Variants in CCDC187 observed in about 807,000 individuals in gnomAD.
CCDC187 encodes the protein coiled-coil domain containing 187, also known as coiled-coil domain-containing protein 187.
Under a neutral mutation model 38.0 loss-of-function variants are expected in CCDC187, and 32 were observed. The observed-to-expected ratio is 0.84, with a 90% CI of 0.64 to 1.13. The LOEUF is 1.13. CCDC187 is among the 50% of genes most tolerant of loss of function. CCDC187 has a pLI of 0.00. For missense variants in CCDC187, 707 were observed against 786.8 expected, an observed-to-expected ratio of 0.90 and a Z score of 1.21; for synonymous variants, 333 against 347.9, an observed-to-expected ratio of 0.96 and a Z score of 0.48.
intron 4 of CCDC187, among the ~76,000 whole-genome samples, chr9:136,294,091 C>A: frequency 6.7e-6 from 1 of 148,728 alleles, no homozygotes; most frequent in South Asian, 2.2e-4. Flanking sequence ...CATATACACA[C>A]GCCCTCAAGT....
intron 4 of CCDC187, among the ~76,000 whole-genome samples, chr9:136,294,170 A>G (rs1046032025): frequency 3.1e-4 from 46 of 150,260 alleles, no homozygotes; most frequent in African/African-American, 1.1e-3. Context: ...ATTCACTCAC[A>G]CGCTCATATA....
In CCDC187 at chr9:136,280,715, C is replaced by T. The variant is rs1487189843; in HGVS notation, c.3040+836G>A. Among the ~76,000 whole-genome samples the T allele has an allele frequency of 1.3e-4, 20 of 152,256 alleles. 1 individual carries two copies. In the South Asian group the frequency reaches 4.1e-3, roughly 32 times the overall value. On this transcript the variant is annotated intron_variant, in intron 10 of 25. Coordinates refer to ENST00000638797, the MANE Select transcript of CCDC187 (RefSeq NM_001378188.1). Reference sequence around the variant, plus strand: ...CTTTGAACCCAGACCAGGACTGGAACCCTTCTCCTCCCCCTGGCACTGGCC... The same window carrying T: ...CTTTGAACCCAGACCAGGACTGGAATCCTTCTCCTCCCCCTGGCACTGGCC...
intron 9 of CCDC187, among the ~76,000 whole-genome samples, chr9:136,282,121 A>G (rs1349648178): frequency 6.6e-6 from 1 of 152,174 alleles, no homozygotes; most frequent in African/African-American, 2.4e-5. Context: ...CATCTCTACC[A>G]TCTACTAAGG....
rs1314461089 is a variant in CCDC187 at position 136,260,219 on chromosome 9, G to A, written c.4110C>T (p.Ser1370=). The A allele has an allele frequency of 9.1e-6, 9 of 985,258 alleles. No individual in the cohort carries two copies. The highest frequency in any genetic ancestry group is 5.2e-4 in the Middle Eastern group (1 of 1,938). 61.0% of individuals were successfully genotyped at this position (985,258 alleles called of 1,614,324 possible). Residue 1370 remains serine (S), a synonymous_variant, in exon 20 of 26, where the codon TCC becomes TCT. Coordinates refer to ENST00000638797, the MANE Select transcript of CCDC187 (RefSeq NM_001378188.1). ...GAGGCTGCTGGTGACCATCTGCATC[G>A]GAGGTTGTCTGGGGTGGCGTCACAT... is the stretch of plus-strand genomic sequence containing the variant. ...QQDVTPPQTT[S]DADGHQQPPR...
Position 136,254,071 on chromosome 9 carries a change from G to C in CCDC187, c.5757C>G (p.Asp1919Glu). ...SGYQEGTRDA[D>E]PSPSTKSKLP... ...GTTTGCTCTTGGTGGATGGGCTCGG[G>C]TCAGCATCCCGGGTTCCCTCCTGGT... is the stretch of plus-strand genomic sequence containing the variant. The change falls in exon 26 of 26, where the codon GAC (aspartate) becomes GAG (glutamate). Residue 1919 changes from aspartate (D) to glutamate (E), a missense_variant. Asp to Glu is a conservative substitution (Grantham distance 45). Transcript: ENST00000638797. 3 of 985,450 alleles carry C rather than the reference G, an allele frequency of 3.0e-6. No homozygotes were observed. Among genetic ancestry groups the C allele is most frequent in the Non-Finnish European group, 3.6e-6 (3 of 829,952 alleles). 61.0% of individuals were successfully genotyped at this position (985,450 alleles called of 1,614,324 possible).
intron 19 of CCDC187, 146 bp downstream of exon 19, chr9:136,262,165 C>T: frequency 1.4e-6 from 1 of 715,272 alleles, no homozygotes; most frequent in Non-Finnish European, 1.7e-6. Context: ...CCCCAGCCAC[C>T]CTGGGAGGGG....
In CCDC187 at chr9:136,254,955, A is replaced by T; in HGVS notation, c.4873T>A (p.Ser1625Thr). Residue 1625 changes from serine (S) to threonine (T), a missense_variant, in exon 26 of 26, where the codon TCC (serine) becomes ACC (threonine). Transcript: ENST00000638797. ...TSPAGSVSSL[S>T]CPSLWEFQKA... ...TGGAACTCCCAGAGAGAGGGACAGG[A>T]CAGGCTGCTCACAGAGCCTGCTGGG... 8.1e-6 allele frequency: 8 copies of T among 985,504 alleles called. No homozygotes were observed. The highest frequency in any genetic ancestry group is 9.6e-6 in the Non-Finnish European group (8 of 829,958). The allele number at this position is 985,504 out of a possible 1,614,324, so 61.0% of individuals were successfully genotyped here. A position where few individuals can be genotyped will look rare whatever the true frequency, so the allele number is the denominator to read the frequency against.
rs1290305719 is a variant in CCDC187, at chr9:136,251,987, C to T, written c.*1607G>A. 1 of 107,142 alleles carries T rather than the reference C, an allele frequency of 9.3e-6. No individual in the cohort carries two copies. The highest frequency in any genetic ancestry group is 3.0e-5 in the African/African-American group (1 of 33,582). 6.6% of individuals were successfully genotyped at this position (107,142 alleles called of 1,614,324 possible). A position where few individuals can be genotyped will look rare whatever the true frequency, so the allele number is the denominator to read the frequency against. Reference sequence around the variant, plus strand: ...GGTCCAGGCGACCGTCCCGCGGAGCCGGCCGCCCACCTGGTCCACCCTGGG... The same window carrying T: ...GGTCCAGGCGACCGTCCCGCGGAGCTGGCCGCCCACCTGGTCCACCCTGGG... On this transcript the variant is annotated 3_prime_UTR_variant, in exon 26 of 26. Transcript: ENST00000638797.
chr9:136,268,454 G>C (rs1480848492), intron 14 of CCDC187, among the ~76,000 whole-genome samples: 1 of 152,110 alleles, frequency 6.6e-6, no homozygotes, highest in East Asian at 1.9e-4. Context: ...GAGGGAGAAG[G>C]GCTGTCGGGG....
At chr9:136,293,042 C>G (rs1265168741) in intron 4 of CCDC187, among the ~76,000 whole-genome samples, 1 of 152,256 alleles carries the variant, frequency 6.6e-6, no homozygotes, top group African/African-American at 2.4e-5. Context: ...TGCGAGGGCC[C>G]TGGCAAAGGC....
At chr9:136,267,929 C>T in intron 15 of CCDC187, 120 bp downstream of exon 15, 1 of 985,522 alleles carries the variant, frequency 1.0e-6, no homozygotes, top group East Asian at 1.1e-4. Context: ...GGAAGAACCT[C>T]CCAACCCAGG....
intron 9 of CCDC187, among the ~76,000 whole-genome samples, chr9:136,282,910 G>A (rs1379508550): frequency 1.3e-5 from 2 of 152,262 alleles, no homozygotes; most frequent in Non-Finnish European, 2.9e-5. Flanking sequence ...CCACCACTGA[G>A]TGCTGGGCTC....
Position 136,302,853 on chromosome 9 carries a change from C to G in CCDC187, c.584G>C (p.Gly195Ala), listed in dbSNP as rs1005951910. 0.011 allele frequency: 4,217 copies of G among 398,760 alleles called. 159 individuals are homozygous for G. Among genetic ancestry groups the G allele is most frequent in the African/African-American group, 0.078 (3,782 of 48,748 alleles). 24.7% of individuals were successfully genotyped at this position (398,760 alleles called of 1,614,324 possible). The change falls in exon 2 of 26, where the codon GGC becomes GCC. Residue 195 changes from glycine to alanine, a missense_variant. Coordinates refer to ENST00000638797, the MANE Select transcript of CCDC187 (RefSeq NM_001378188.1). ...TGGAGGGGGATTTTTTGCCTCTTGG[C>G]CTTTCCTCCTAAGCATCAGCGTGGA... is the stretch of plus-strand genomic sequence containing the variant. ...KASTLMLRRK[G>A]QEAKNPPPAP...
intron 9 of CCDC187, among the ~76,000 whole-genome samples, chr9:136,284,732 G>T (rs1831131858): frequency 6.7e-6 from 1 of 148,622 alleles, no homozygotes; most frequent in African/African-American, 2.5e-5. Flanking sequence ...CAGGTGTGGA[G>T]GGGGTTTTTT....
intron 4 of CCDC187, among the ~76,000 whole-genome samples, chr9:136,295,406 A>C (rs1435569887): frequency 6.6e-6 from 1 of 152,180 alleles, no homozygotes; most frequent in Non-Finnish European, 1.5e-5. Flanking sequence ...AATGGCAATT[A>C]ATTTTTTTAC....
Position 136,255,114 on chromosome 9 carries a change from C to T in CCDC187, c.4714G>A (p.Glu1572Lys), listed in dbSNP as rs1830596494. The T allele has an allele frequency of 1.0e-6, 1 of 985,386 alleles. No homozygotes were observed. The highest frequency in any genetic ancestry group is 1.7e-5 in the African/African-American group (1 of 57,190). 61.0% of individuals were successfully genotyped at this position (985,386 alleles called of 1,614,324 possible). A position where few individuals can be genotyped will look rare whatever the true frequency, so the allele number is the denominator to read the frequency against. The change falls in exon 26 of 26, where the codon GAG becomes AAG. Residue 1572 changes from glutamate to lysine, a missense_variant. Coordinates refer to ENST00000638797, the MANE Select transcript of CCDC187 (RefSeq NM_001378188.1). ...ASPAAPVVPE[E>K]AAPPILHQGS... ...TGGTGCAGGATTGGGGGCGCCGCCT[C>T]CTCAGGGACCACAGGAGCTGCTAAG...
chr9:136,262,192 G>A (rs968712184), intron 19 of CCDC187, 119 bp downstream of exon 19: 32 of 907,956 alleles, frequency 3.5e-5, no homozygotes, highest in East Asian at 1.2e-4. Context: ...AGGGCTACAC[G>A]TGCCACCCCG....
Position 136,263,609 on chromosome 9 carries a change from C to G in CCDC187, c.3912+13G>C. ...TTCTGCAGCTGAGTCCCAGCCCAGG[C>G]GAGAGCACCCACCTGCTGCAGCTTG... is the stretch of plus-strand genomic sequence containing the variant. On this transcript the variant is annotated intron_variant, in intron 18 of 25. Coordinates refer to ENST00000638797, the MANE Select transcript of CCDC187 (RefSeq NM_001378188.1). 1 of 985,396 alleles carries G rather than the reference C, an allele frequency of 1.0e-6. No individual in the cohort carries two copies. The highest frequency in any genetic ancestry group is 1.2e-6 in the Non-Finnish European group (1 of 829,892). 61.0% of individuals were successfully genotyped at this position (985,396 alleles called of 1,614,324 possible).
rs80320676 is a variant in CCDC187, at chr9:136,250,305, G to A, written c.*3289C>T. ...GGGCACCCTACCACCTGCCAGCGAC[G>A]CGAGGCACCTGCTGGGCTCCCAGGG... On this transcript the variant is annotated 3_prime_UTR_variant, in exon 26 of 26. Coordinates refer to ENST00000638797, the MANE Select transcript of CCDC187 (RefSeq NM_001378188.1). 0.017 allele frequency: 2,907 copies of A among 171,332 alleles called. 78 individuals carry two copies. Among genetic ancestry groups the A allele is most frequent in the African/African-American group, 0.065 (2,701 of 41,708 alleles). The allele number at this position is 171,332 out of a possible 1,614,324, so 10.6% of individuals were successfully genotyped here. A position where few individuals can be genotyped will look rare whatever the true frequency, so the allele number is the denominator to read the frequency against.
Sources: allele counts gnomAD v4.1 joint callset (sites outside exome capture counted in the v4.1 genomes callset), GRCh38; gene constraint gnomAD v4.1.1; transcripts MANE v1.5; gene names NCBI Gene and HGNC (gene_info 2026-07-23, HGNC 2026-07-21).